The following MTHFD2L variants were observed in gnomAD, a reference collection of about 807,000 sequenced individuals.
MTHFD2L encodes methylenetetrahydrofolate dehydrogenase (NADP+ dependent) 2 like.
Under a neutral mutation model 34.9 loss-of-function variants are expected in MTHFD2L, and 29 were observed. The observed-to-expected ratio is 0.83, with a 90% CI of 0.62 to 1.13. MTHFD2L has a LOEUF of 1.13. MTHFD2L is among the 50% of genes most tolerant of loss of function. The pLI is 0.00. For synonymous variants in MTHFD2L, 167 were observed against 155.7 expected (o/e 1.07, Z -0.54); for missense variants, 481 against 446.5 (o/e 1.08, Z -0.70).
chr4:74,142,625 T>C (rs1194750602), intron 1 of MTHFD2L, among the ~76,000 whole-genome samples: 2 of 152,208 alleles, frequency 1.3e-5, no homozygotes, highest in African/African-American at 4.8e-5. Context: ...TATGTTAAAA[T>C]ATTTACTATG....
chr4:74,289,332 A>G (rs1190011708), intron 7 of MTHFD2L, among the ~76,000 whole-genome samples: 1 of 152,160 alleles, frequency 6.6e-6, no homozygotes, highest in Non-Finnish European at 1.5e-5. Flanking sequence ...ATTCCAGGCA[A>G]GTGGAGCAGC....
At chr4:74,122,095 A>G (rs918692168), upstream of MTHFD2L, among the ~76,000 whole-genome samples, 2 of 151,830 alleles carry the variant, frequency 1.3e-5, no homozygotes, top group African/African-American at 4.8e-5. Context: ...TTTTTTTTCT[A>G]GGACATAAAC....
chr4:74,125,736 CA>C (rs1722020673), intron 1 of MTHFD2L, among the ~76,000 whole-genome samples: 1 of 151,906 alleles, frequency 6.6e-6, no homozygotes, highest in South Asian at 2.1e-4. Context: ...AGCAATATAG[CA>C]AACCTCAAAG....
chr4:74,249,388 A>T (rs1158867401), intron 6 of MTHFD2L, among the ~76,000 whole-genome samples: 1 of 152,106 alleles, frequency 6.6e-6, no homozygotes, highest in Non-Finnish European at 1.5e-5. Context: ...TGCACATGAA[A>T]TGGGTTTCCT....
chr4:74,251,275 A>G (rs1249094699), intron 6 of MTHFD2L, among the ~76,000 whole-genome samples: 3 of 152,208 alleles, frequency 2.0e-5, no homozygotes, highest in Non-Finnish European at 4.4e-5. Context: ...TGACATTTTC[A>G]ATGGATAAAC....
chr4:74,171,434 G>A (rs191118281), intron 1 of MTHFD2L, among the ~76,000 whole-genome samples: 98 of 152,170 alleles, frequency 6.4e-4, no homozygotes, highest in African/African-American at 1.9e-3. Flanking sequence ...TTTTTGTAAC[G>A]TAACAGTTTT....
In MTHFD2L at chr4:74,225,399, G is replaced by A. The variant is rs1270483577; in HGVS notation, c.805+5G>A. ...ATATTATCATAGTTGCTGCAGGTAA[G>A]TCCTTAGTGACTGTTATTTTTTGGA... is the stretch of plus-strand genomic sequence containing the variant. On this transcript the variant is annotated splice_donor_5th_base_variant and intron_variant, in intron 6 of 7. Coordinates refer to ENST00000325278, the MANE Select transcript of MTHFD2L (RefSeq NM_001144978.3). The A allele has an allele frequency of 1.9e-6, 3 of 1,609,840 alleles. No individual in the cohort carries two copies. The highest frequency in any genetic ancestry group is 1.7e-4 in the Middle Eastern group (1 of 6,044).
intron 6 of MTHFD2L, among the ~76,000 whole-genome samples, chr4:74,259,369 G>A (rs1163871016): frequency 6.6e-6 from 1 of 152,116 alleles, no homozygotes; most frequent in Admixed American, 6.6e-5. Flanking sequence ...ACAGGGTAAA[G>A]GTTTTGTTCC....
chr4:74,173,381 A>G lies in MTHFD2L; in HGVS notation c.144-1125A>G, dbSNP rs530925893. Reference sequence around the variant, plus strand: ...AAATACTTATAAACTGCCAGGAAGTAATCTTCTGTGGAAACTTACTCCATT... The same window carrying G: ...AAATACTTATAAACTGCCAGGAAGTGATCTTCTGTGGAAACTTACTCCATT... On this transcript the variant is annotated intron_variant, in intron 1 of 7. Coordinates refer to ENST00000325278, the MANE Select transcript of MTHFD2L (RefSeq NM_001144978.3). Among the ~76,000 whole-genome samples the G allele has an allele frequency of 3.7e-4, 56 of 152,272 alleles. 1 individual carries two copies. In the South Asian group the frequency reaches 5.6e-3, roughly 15 times the overall value.
intron 1 of MTHFD2L, among the ~76,000 whole-genome samples, chr4:74,159,569 C>G (rs1197921687): frequency 6.6e-6 from 1 of 152,200 alleles, no homozygotes; most frequent in Admixed American, 6.5e-5. Flanking sequence ...ACAACTCCAT[C>G]TCCCCATCTT....
rs1265597745 is a variant in MTHFD2L at position 74,183,381 on chromosome 4, G to A, written c.451+7978G>A. 3 of 152,056 alleles carry A rather than the reference G, an allele frequency of 2.0e-5. No homozygotes were observed. In the South Asian group the frequency reaches 6.2e-4, roughly 32 times the overall value. 9.4% of individuals were successfully genotyped at this position (152,056 alleles called of 1,614,324 possible). On this transcript the variant is annotated intron_variant, in intron 3 of 7. Transcript: ENST00000325278. ...ACCTATGATCTAAGAAATACTAAAAGGCCCGGGTGTGGTGGCTCATGCCTG... is the reference window on the plus strand; with the variant it reads ...ACCTATGATCTAAGAAATACTAAAAAGCCCGGGTGTGGTGGCTCATGCCTG...
intron 6 of MTHFD2L, among the ~76,000 whole-genome samples, chr4:74,251,999 CCAGGTGAATGCTTGGAAAAAG>C (rs1318401122): frequency 6.6e-6 from 1 of 152,026 alleles, no homozygotes; most frequent in African/African-American, 2.4e-5. Flanking sequence ...GTGATGGGAC[CCAGGTGAATGCTTGGAAAAAG>C]CATTCTTTAT....
intron 6 of MTHFD2L, among the ~76,000 whole-genome samples, chr4:74,231,025 G>A (rs940077379): frequency 6.6e-6 from 1 of 152,020 alleles, no homozygotes; most frequent in Admixed American, 6.6e-5. Context: ...GTGAAAGCTG[G>A]CATTTTTGGC....
intron 1 of MTHFD2L, among the ~76,000 whole-genome samples, chr4:74,142,760 A>G (rs561328832): frequency 6.6e-6 from 1 of 152,154 alleles, no homozygotes; most frequent in African/African-American, 2.4e-5. Context: ...AGAAGCAATG[A>G]CATGGTCCTG....
At chr4:74,198,048 T>C (rs532521832) in intron 3 of MTHFD2L, among the ~76,000 whole-genome samples, 1 of 152,208 alleles carries the variant, frequency 6.6e-6, no homozygotes, top group Non-Finnish European at 1.5e-5. Context: ...CTATACATTT[T>C]GTATGTCCAT....
intron 1 of MTHFD2L, among the ~76,000 whole-genome samples, chr4:74,163,964 C>T (rs958760368): frequency 2.6e-5 from 4 of 152,348 alleles, no homozygotes; most frequent in African/African-American, 9.6e-5. Context: ...CAAACTCTGC[C>T]TCCCGGGTTC....
chr4:74,249,156 T>C (rs1034351738), intron 6 of MTHFD2L, among the ~76,000 whole-genome samples: 15 of 151,106 alleles, frequency 9.9e-5, no homozygotes, highest in South Asian at 2.1e-4. Flanking sequence ...TTTATGAATC[T>C]GGGTGCTCCT....
intron 1 of MTHFD2L, among the ~76,000 whole-genome samples, chr4:74,158,779 C>G (rs1724749275): frequency 6.6e-6 from 1 of 152,150 alleles, no homozygotes; most frequent in South Asian, 2.1e-4. Context: ...CCAGATTTCT[C>G]AGTCTTTTCA....
In MTHFD2L at chr4:74,158,174, C is replaced by G; in HGVS notation, c.36C>G (p.Arg12=). The G allele has an allele frequency of 6.5e-7, 1 of 1,528,640 alleles. No individual in the cohort carries two copies. The highest frequency in any genetic ancestry group is 8.8e-7 in the Non-Finnish European group (1 of 1,138,868). 94.7% of individuals were successfully genotyped at this position (1,528,640 alleles called of 1,614,324 possible). ...CGGTCCGCGGCTTCTCGCTGCTCCG[C>G]GGCCGCCTTGGCCGAGCGCCGGCGT... ...TVPVRGFSLL[R]GRLGRAPALG... Residue 12 remains arginine (R), a synonymous_variant, in exon 1 of 8, where the codon CGC becomes CGG. Transcript: ENST00000325278.
Sources: allele counts gnomAD v4.1 joint callset (sites outside exome capture counted in the v4.1 genomes callset), GRCh38; gene constraint gnomAD v4.1.1; transcripts MANE v1.5; gene names NCBI Gene and HGNC (gene_info 2026-07-23, HGNC 2026-07-21).